KCMF1: variants seen among roughly 807,000 people sequenced by gnomAD.
KCMF1 encodes the protein E3 ubiquitin-protein ligase KCMF1.
A neutral mutation model predicts 41.1 loss-of-function variants in KCMF1; 3 were observed. The observed-to-expected ratio is 0.07, with a 90% CI of 0.03 to 0.19. The LOEUF is 0.19. Among genes scored for constraint, KCMF1 ranks in the 10% least tolerant of loss-of-function variants. The pLI, the probability that KCMF1 is intolerant of heterozygous loss-of-function variation, is 1.00. For missense variants in KCMF1, 286 were observed against 488.9 expected, an observed-to-expected ratio of 0.58 and a Z score of 3.91; for synonymous variants, 142 against 164.5, an observed-to-expected ratio of 0.86 and a Z score of 1.04.
chr2:84,996,472 G>A (rs1056762124), intron 1 of KCMF1, among the ~76,000 whole-genome samples: 1 of 119,852 alleles, frequency 8.3e-6, no homozygotes, highest in Non-Finnish European at 1.6e-5. Flanking sequence ...TCTTGGCTCT[G>A]TCACCCAGGC....
At chr2:85,040,959 A>T (rs1398813962) in intron 3 of KCMF1, among the ~76,000 whole-genome samples, 1 of 151,738 alleles carries the variant, frequency 6.6e-6, no homozygotes, top group Non-Finnish European at 1.5e-5. Context: ...ATGGGGTTTC[A>T]CCATGTTGGT....
intron 4 of KCMF1, among the ~76,000 whole-genome samples, chr2:85,044,444 C>T (rs1016543492): frequency 2.0e-5 from 3 of 152,010 alleles, no homozygotes; most frequent in African/African-American, 7.2e-5. Context: ...GTGCTATCTT[C>T]AGCTTATTGC....
At chr2:84,972,135 A>G (rs1673414187) in intron 1 of KCMF1, 1 of 152,188 alleles carries the variant, frequency 6.6e-6, no homozygotes, top group African/African-American at 2.4e-5. Flanking sequence ...GCAGCAAGCA[A>G]ACTCCCTGCT....
intron 1 of KCMF1, among the ~76,000 whole-genome samples, chr2:84,977,127 TC>T (rs1204421314): frequency 6.6e-6 from 1 of 151,976 alleles, no homozygotes; most frequent in Non-Finnish European, 1.5e-5. Flanking sequence ...GATCCTCCCA[TC>T]TCAGCCTCCC....
chr2:84,999,935 CT>C (rs1674286238), intron 1 of KCMF1, among the ~76,000 whole-genome samples: 1 of 151,604 alleles, frequency 6.6e-6, no homozygotes, highest in Admixed American at 6.6e-5. Context: ...TAAATGTCCC[CT>C]GGAGAAAATA....
chr2:85,050,116 C>G (rs931526699), intron 6 of KCMF1, among the ~76,000 whole-genome samples: 1 of 152,172 alleles, frequency 6.6e-6, no homozygotes, highest in African/African-American at 2.4e-5. Context: ...ACCATGCACT[C>G]CAGCCTGGGT....
At chr2:85,044,948 C>T (rs1049754187) in intron 4 of KCMF1, among the ~76,000 whole-genome samples, 6 of 152,150 alleles carry the variant, frequency 3.9e-5, no homozygotes, top group African/African-American at 1.4e-4. Flanking sequence ...ATGAATTGTT[C>T]GTCTAAAACT....
chr2:85,034,230 C>CA (rs895183132), intron 2 of KCMF1, among the ~76,000 whole-genome samples: 1 of 151,976 alleles, frequency 6.6e-6, no homozygotes, highest in African/African-American at 2.4e-5. Flanking sequence ...TTAGCATTTA[C>CA]AAAAAATGAA....
intron 1 of KCMF1, among the ~76,000 whole-genome samples, chr2:85,016,000 T>G (rs977781220): frequency 2.6e-5 from 4 of 152,130 alleles, no homozygotes; most frequent in African/African-American, 9.7e-5. Flanking sequence ...TTGTTACATA[T>G]CACAGGACTC....
intron 6 of KCMF1, among the ~76,000 whole-genome samples, 170 bp downstream of exon 6, chr2:85,049,818 A>G (rs1553383744): frequency 6.6e-6 from 1 of 152,190 alleles, no homozygotes; most frequent in Non-Finnish European, 1.5e-5. Context: ...CAAGAATGTG[A>G]AACATAGTAA....
At chr2:85,023,874 T>C (rs568595127) in intron 1 of KCMF1, among the ~76,000 whole-genome samples, 5 of 152,332 alleles carry the variant, frequency 3.3e-5, no homozygotes, top group African/African-American at 1.2e-4. Flanking sequence ...ACACTTGATA[T>C]CATGAAACTT....
intron 1 of KCMF1, among the ~76,000 whole-genome samples, chr2:85,007,060 C>T (rs1274028430): frequency 6.9e-6 from 1 of 144,582 alleles, no homozygotes; most frequent in Non-Finnish European, 1.5e-5. Context: ...GAGATCGCAC[C>T]ACTGCACTCC....
intron 1 of KCMF1, among the ~76,000 whole-genome samples, chr2:84,994,936 T>G (rs1019785505): frequency 6.7e-6 from 1 of 150,040 alleles, no homozygotes; most frequent in Non-Finnish European, 1.5e-5. Flanking sequence ...GATTGCATTT[T>G]AATGATATTT....
chr2:84,986,043 C>T (rs537553335), intron 1 of KCMF1, among the ~76,000 whole-genome samples: 80 of 152,254 alleles, frequency 5.3e-4, no homozygotes, highest in Admixed American at 9.2e-4. Context: ...AACCAAAATA[C>T]TAGTTGTGAC....
chr2:84,975,278 C>T (rs1673516920), intron 1 of KCMF1, among the ~76,000 whole-genome samples: 1 of 151,992 alleles, frequency 6.6e-6, no homozygotes, highest in African/African-American at 2.4e-5. Context: ...GGCCTGAGGG[C>T]TGTAGTTTGC....
At chr2:84,988,981 A>T (rs143473269) in intron 1 of KCMF1, among the ~76,000 whole-genome samples, 1 of 152,338 alleles carries the variant, frequency 6.6e-6, no homozygotes, top group African/African-American at 2.4e-5. Flanking sequence ...TATAATTTTC[A>T]GGCACCACCA....
intron 2 of KCMF1, among the ~76,000 whole-genome samples, chr2:85,028,448 G>A (rs550577168): frequency 7.1e-6 from 1 of 141,838 alleles, no homozygotes; most frequent in Non-Finnish European, 1.5e-5. Context: ...GCCGCCCAAA[G>A]TGCTGGGATT....
At chr2:85,015,810 G>T (rs930007833) in intron 1 of KCMF1, among the ~76,000 whole-genome samples, 1 of 152,174 alleles carries the variant, frequency 6.6e-6, no homozygotes, top group African/African-American at 2.4e-5. Context: ...AGTAATATAT[G>T]TAAGTCATTA....
intron 5 of KCMF1, 121 bp from the exon 6 acceptor site, chr2:85,049,245 C>G: frequency 1.1e-6 from 1 of 945,128 alleles, no homozygotes; most frequent in Non-Finnish European, 1.6e-6. Context: ...AAACTGTGTG[C>G]TGTGGTGGTT....
Sources: gnomAD v4.1 joint callset for allele counts (sites outside exome capture counted in the v4.1 genomes callset) on GRCh38, gnomAD v4.1.1 for gene constraint, MANE v1.5 for transcripts, NCBI Gene and HGNC (gene_info 2026-07-23, HGNC 2026-07-21) for gene names.